The following STX18 variants were observed in gnomAD, a reference collection of about 807,000 sequenced individuals.
STX18 encodes syntaxin-18.
A neutral mutation model predicts 50.1 loss-of-function variants in STX18; 40 were observed. The ratio of observed to expected loss-of-function variants is 0.80; its 90% CI spans 0.62 to 1.04. The LOEUF is 1.04. Among genes scored for constraint, STX18 ranks in the 50% least tolerant of loss-of-function variants. The pLI is 0.00. For synonymous variants in STX18, 158 were observed against 151.8 expected (o/e 1.04, Z -0.30); for missense variants, 410 against 415.8 (o/e 0.99, Z 0.12).
chr4:4,463,547 G>A lies in STX18; in HGVS notation c.237-4060C>T, dbSNP rs76325430. On this transcript the variant is annotated intron_variant, in intron 2 of 10. Coordinates refer to ENST00000306200, the MANE Select transcript of STX18 (RefSeq NM_016930.4). ...AACACTCTAAGCATTTACTTTGCTG[G>A]ATTTCTTTTCAAGGAAAAGGGAAGT... Among the ~76,000 whole-genome samples the A allele has an allele frequency of 9.3e-3, 1,409 of 152,292 alleles. 27 individuals are homozygous for A. Among genetic ancestry groups the A allele is most frequent in the African/African-American group, 0.031 (1,283 of 41,558 alleles).
intron 1 of STX18, among the ~76,000 whole-genome samples, chr4:4,473,706 A>G (rs1339371001): frequency 2.0e-5 from 3 of 152,130 alleles, no homozygotes; most frequent in Admixed American, 1.3e-4. Flanking sequence ...AAAACCTTCA[A>G]TGGTTTCCAT....
intron 7 of STX18, 121 bp from the exon 8 acceptor site, chr4:4,425,343 G>A (rs1306097533): frequency 1.1e-5 from 9 of 840,694 alleles, no homozygotes; most frequent in African/African-American, 1.7e-5. Context: ...CTGCGGCAAC[G>A]TGGCAGCCGG....
At chr4:4,535,724 A>G (rs1731300776) in intron 1 of STX18, among the ~76,000 whole-genome samples, 1 of 152,204 alleles carries the variant, frequency 6.6e-6, no homozygotes, top group South Asian at 2.1e-4. Context: ...CACAGCTTGC[A>G]TTCTAAACCT....
chr4:4,503,647 C>T (rs1729563423), intron 1 of STX18, among the ~76,000 whole-genome samples: 1 of 151,978 alleles, frequency 6.6e-6, no homozygotes, highest in Admixed American at 6.6e-5. Flanking sequence ...AACCTGTTCC[C>T]CAAAAATTAC....
At chr4:4,508,269 C>A (rs1220041765) in intron 1 of STX18, among the ~76,000 whole-genome samples, 1 of 152,140 alleles carries the variant, frequency 6.6e-6, no homozygotes, top group East Asian at 1.9e-4. Flanking sequence ...GTGGACCTCA[C>A]CACATATCCC....
At chr4:4,441,595 C>CA (rs1270647113) in intron 5 of STX18, among the ~76,000 whole-genome samples, 4 of 151,726 alleles carry the variant, frequency 2.6e-5, no homozygotes, top group Non-Finnish European at 5.9e-5. Flanking sequence ...CGTAAAAAAC[C>CA]AAAAAAGATT....
chr4:4,489,460 G>C (rs1244209733), intron 1 of STX18, among the ~76,000 whole-genome samples: 1 of 120,258 alleles, frequency 8.3e-6, no homozygotes, highest in Non-Finnish European at 1.6e-5. Context: ...ATGTTGCCCA[G>C]GCTGGTCTCA....
chr4:4,523,750 C>T (rs1344068945), intron 1 of STX18, among the ~76,000 whole-genome samples: 3 of 152,194 alleles, frequency 2.0e-5, no homozygotes, highest in East Asian at 1.9e-4. Flanking sequence ...TCACCTCTGC[C>T]GAATCCACCA....
chr4:4,465,565 T>A (rs1162039753), intron 2 of STX18, among the ~76,000 whole-genome samples: 1 of 152,104 alleles, frequency 6.6e-6, no homozygotes, highest in East Asian at 1.9e-4. Context: ...TGGGAACGCA[T>A]GGACATGAGG....
At chr4:4,421,537 G>A (rs931805376) in intron 9 of STX18, among the ~76,000 whole-genome samples, 1 of 152,182 alleles carries the variant, frequency 6.6e-6, no homozygotes, top group African/African-American at 2.4e-5. Flanking sequence ...TTACAGGCAT[G>A]AGCCACCGCG....
intron 1 of STX18, among the ~76,000 whole-genome samples, chr4:4,477,476 C>A (rs1012085728): frequency 6.6e-6 from 1 of 152,176 alleles, no homozygotes; most frequent in South Asian, 2.1e-4. Context: ...TTCACTGGGA[C>A]CTCACTCCCA....
At chr4:4,431,437 T>C (rs1054063986) in intron 7 of STX18, among the ~76,000 whole-genome samples, 3 of 152,190 alleles carry the variant, frequency 2.0e-5, no homozygotes, top group South Asian at 2.1e-4. Context: ...AATCCCTCTT[T>C]ACATTCCTTT....
At chr4:4,538,764 C>T (rs7678234) in intron 1 of STX18, among the ~76,000 whole-genome samples, 2,008 of 152,152 alleles carry the variant, frequency 0.013, 38 homozygotes, top group African/African-American at 0.046. Flanking sequence ...GTAGCAGAAG[C>T]GAGATTTGAA....
intron 6 of STX18, among the ~76,000 whole-genome samples, chr4:4,436,950 CTTTTTTTTTT>C (rs34174730): frequency 0.3 from 35,122 of 116,630 alleles, 4,750 homozygotes; most frequent in African/African-American, 0.54. Flanking sequence ...TCCAGACTCA[CTTTTTTTTTT>C]TTTTTTTTTT....
chr4:4,466,560 A>C (rs1727631038), intron 2 of STX18, among the ~76,000 whole-genome samples: 1 of 152,146 alleles, frequency 6.6e-6, no homozygotes, highest in Non-Finnish European at 1.5e-5. Context: ...GTTGAGAACA[A>C]AGAGATCAGG....
Position 4,540,635 on chromosome 4 carries a change from A to G in STX18, c.168+1162T>C, listed in dbSNP as rs528218877. Among the ~76,000 whole-genome samples the G allele has an allele frequency of 5.6e-4, 86 of 152,272 alleles. 1 individual carries two copies. In the Middle Eastern group the frequency reaches 0.01, roughly 18 times the overall value. On this transcript the variant is annotated intron_variant, in intron 1 of 10. Transcript: ENST00000306200. ...GCTTTATGGCACTTGTTTTATGTCT[A>G]TGTCCGTCTACTCCACCACTGCTTT...
At chr4:4,523,925 G>A (rs781415399) in intron 1 of STX18, among the ~76,000 whole-genome samples, 3 of 152,044 alleles carry the variant, frequency 2.0e-5, no homozygotes, top group Admixed American at 1.3e-4. Flanking sequence ...CACCTCTCCT[G>A]TTATGCCCTC....
intron 9 of STX18, among the ~76,000 whole-genome samples, chr4:4,421,482 T>C (rs60672762): frequency 6.6e-6 from 1 of 152,178 alleles, no homozygotes; most frequent in East Asian, 1.9e-4. Context: ...CTTGAACTCT[T>C]GAGCTCACAC....
chr4:4,489,937 A>C (rs1199108588), intron 1 of STX18, among the ~76,000 whole-genome samples: 2 of 152,210 alleles, frequency 1.3e-5, no homozygotes, highest in Admixed American at 1.3e-4. Context: ...TCAGTGTGAA[A>C]GCTTTAAATG....
Sources: allele counts gnomAD v4.1 joint callset (sites outside exome capture counted in the v4.1 genomes callset), GRCh38; gene constraint gnomAD v4.1.1; transcripts MANE v1.5; gene names NCBI Gene and HGNC (gene_info 2026-07-23, HGNC 2026-07-21).